Variants in ECE1 observed in about 807,000 individuals in gnomAD.
ECE1 encodes endothelin-converting enzyme 1.
In ECE1, 35 loss-of-function variants were observed where a neutral mutation model predicts 98.6. The observed-to-expected ratio is 0.35, with a 90% confidence interval of 0.27 to 0.47. The LOEUF (loss-of-function observed/expected upper bound fraction) is 0.47. ECE1 is among the 20% of genes least tolerant of loss of function. The pLI is 1.00. For synonymous variants in ECE1, 394 were observed against 407.1 expected (o/e 0.97, Z 0.39); for missense variants, 814 against 1,025.3 (o/e 0.79, Z 2.81).
At chr1:21,227,431 C>T (rs1381993102) in intron 15 of ECE1, among the ~76,000 whole-genome samples, 1 of 152,212 alleles carries the variant, frequency 6.6e-6, no homozygotes, top group East Asian at 1.9e-4. Context: ...GTGTGGTCAG[C>T]TGTGCCTATT....
At chr1:21,311,961 A>G (rs1400221490) in intron 1 of ECE1, among the ~76,000 whole-genome samples, 1 of 151,598 alleles carries the variant, frequency 6.6e-6, no homozygotes, top group African/African-American at 2.4e-5. Flanking sequence ...CATCTCTATT[A>G]GAAATATAAA....
chr1:21,303,728 A>C (rs1340292386), intron 1 of ECE1, among the ~76,000 whole-genome samples: 2 of 152,102 alleles, frequency 1.3e-5, no homozygotes, highest in African/African-American at 4.8e-5. Flanking sequence ...AGCTCGCTGC[A>C]ACCTCCGACT....
intron 2 of ECE1, among the ~76,000 whole-genome samples, chr1:21,282,872 G>C (rs1381696465): frequency 6.6e-6 from 1 of 151,704 alleles, no homozygotes; most frequent in Non-Finnish European, 1.5e-5. Flanking sequence ...ATAAATACTT[G>C]AGTGCTAAGG....
At chr1:21,263,357 A>ATT (rs199626661) in intron 4 of ECE1, among the ~76,000 whole-genome samples, 1 of 113,206 alleles carries the variant, frequency 8.8e-6, no homozygotes, top group African/African-American at 3.4e-5. Context: ...CTTTTTTTAT[A>ATT]TTTATTTTTT....
At chr1:21,254,332 A>C (rs1035343636) in intron 8 of ECE1, among the ~76,000 whole-genome samples, 1 of 152,128 alleles carries the variant, frequency 6.6e-6, no homozygotes, top group Non-Finnish European at 1.5e-5. Flanking sequence ...GCTCATGCTT[A>C]TAATCCCAGC....
In ECE1 at chr1:21,219,956, T is replaced by C. The variant is rs759455523; in HGVS notation, c.2312A>G (p.Ter771=). The C allele has an allele frequency of 6.2e-7, 1 of 1,614,232 alleles. No individual in the cohort carries two copies. The highest frequency in any genetic ancestry group is 8.5e-7 in the Non-Finnish European group (1 of 1,180,034). Residue 771 remains the stop codon, a stop_retained_variant, in exon 19 of 19, where the codon TAA becomes TGA. Coordinates refer to ENST00000374893, the MANE Select transcript of ECE1 (RefSeq NM_001397.3). This position sits in a 1 kb window ranked among gnomAD's most constrained non-coding sequence, Gnocchi z 4.5. ...MNPPHKCEVW[*] ...GTCTTGGCTCTCTCCGCTTCGTCCT[T>C]ACCAGACTTCGCACTTGTGAGGCGG...
intron 9 of ECE1, among the ~76,000 whole-genome samples, chr1:21,246,156 G>A (rs2098203194): frequency 2.0e-5 from 3 of 152,004 alleles, no homozygotes; most frequent in Admixed American, 1.3e-4. Context: ...AGTTAAATAC[G>A]ATAAATTTTT....
At chr1:21,242,869 C>G (rs1261106416) in intron 10 of ECE1, among the ~76,000 whole-genome samples, 1 of 152,244 alleles carries the variant, frequency 6.6e-6, no homozygotes, top group African/African-American at 2.4e-5. Context: ...CAGCCTTAAA[C>G]TCCTGGGCTC....
rs773384564 is a variant in ECE1, at chr1:21,235,839, C to T, written c.1566+11G>A. 6.2e-6 allele frequency: 10 copies of T among 1,614,060 alleles called. No individual in the cohort carries two copies. The Admixed American group carries it at 1.7e-4, about 27-fold the overall frequency. On this transcript the variant is annotated intron_variant, in intron 13 of 18. Coordinates refer to ENST00000374893, the MANE Select transcript of ECE1 (RefSeq NM_001397.3). The surrounding 1 kb of genome is among the most constrained non-coding windows in gnomAD (Gnocchi z 4.2). The stretch of plus-strand genomic sequence containing the variant: ...TTAGGAACGCAAGGGGGCAGGGCAG[C>T]AGCTACTCACGTCATTAAACACTTT...
At chr1:21,221,679 C>T in intron 18 of ECE1, 68 bp downstream of exon 18, 2 of 1,544,562 alleles carry the variant, frequency 1.3e-6, no homozygotes, top group South Asian at 1.1e-5. Context: ...CCTTTCGGCT[C>T]TCTGGGCTCT....
At chr1:21,271,241 C>T (rs1321840758) in intron 4 of ECE1, among the ~76,000 whole-genome samples, 7 of 152,158 alleles carry the variant, frequency 4.6e-5, no homozygotes, top group Admixed American at 2.6e-4. Flanking sequence ...GTGTGTTTTA[C>T]CTAGCGGCGG....
Position 21,260,165 on chromosome 1 carries a change from T to G in ECE1, c.615+106A>C, listed in dbSNP as rs539086916. On this transcript the variant is annotated intron_variant, in intron 5 of 18. Coordinates refer to ENST00000374893, the MANE Select transcript of ECE1 (RefSeq NM_001397.3). This position sits in a 1 kb window ranked among gnomAD's most constrained non-coding sequence, Gnocchi z 4.3. ...CTGTCTTTCTCTTGGTGCTACCGGC[T>G]GGACGTATGAGGTGGGCCAGTGGTA... The G allele has an allele frequency of 6.0e-6, 9 of 1,511,582 alleles. No homozygotes were observed. The South Asian group carries it at 1.0e-4, about 17-fold the overall frequency. The allele number at this position is 1,511,582 out of a possible 1,614,324, so 93.6% of individuals were successfully genotyped here. A position where few individuals can be genotyped will look rare whatever the true frequency, so the allele number is the denominator to read the frequency against.
intron 8 of ECE1, among the ~76,000 whole-genome samples, chr1:21,249,171 T>A (rs1402847549): frequency 1.3e-5 from 2 of 148,968 alleles, no homozygotes; most frequent in African/African-American, 5.0e-5. Flanking sequence ...GGTGAAACCC[T>A]GTCTCTACCA....
At chr1:21,239,752 T>A (rs2098193566) in intron 10 of ECE1, among the ~76,000 whole-genome samples, 1 of 151,944 alleles carries the variant, frequency 6.6e-6, no homozygotes, top group Non-Finnish European at 1.5e-5. Flanking sequence ...ATGTTCTCTA[T>A]CTTTCTAAAA....
In ECE1 at chr1:21,345,374, A is replaced by T; in HGVS notation, c.3+2T>A. Reference sequence around the variant, plus strand: ...GACCAGACCTCCGCGCGCAGCACTCACCATAGCTCGCGTGCTCCGCCCCGG... The same window carrying T: ...GACCAGACCTCCGCGCGCAGCACTCTCCATAGCTCGCGTGCTCCGCCCCGG... On this transcript the variant is annotated splice_donor_variant, in intron 1 of 18. Coordinates refer to the ECE1 transcript ENST00000415912. LOFTEE classifies it high-confidence loss of function. This position sits in a 1 kb window ranked among gnomAD's most constrained non-coding sequence, Gnocchi z 5.1. The T allele has an allele frequency of 7.4e-7, 1 of 1,347,072 alleles. No individual in the cohort carries two copies. Among genetic ancestry groups the T allele is most frequent in the Non-Finnish European group, 9.6e-7 (1 of 1,039,764 alleles). The allele number at this position is 1,347,072 out of a possible 1,614,324, so 83.4% of individuals were successfully genotyped here.
intron 1 of ECE1, among the ~76,000 whole-genome samples, chr1:21,328,036 C>A (rs1048909901): frequency 1.3e-5 from 2 of 152,172 alleles, no homozygotes; most frequent in African/African-American, 4.8e-5. Flanking sequence ...ATAAGGGAAA[C>A]CATTCTTCAC....
upstream of ECE1, among the ~76,000 whole-genome samples, chr1:21,292,973 C>T (rs1323145617): frequency 1.3e-5 from 2 of 152,164 alleles, no homozygotes; most frequent in South Asian, 2.1e-4. Context: ...CACTTGGTTA[C>T]ACTACGTTAC....
chr1:21,283,098 C>T (rs565528320), intron 2 of ECE1, among the ~76,000 whole-genome samples: 2 of 151,876 alleles, frequency 1.3e-5, no homozygotes, highest in South Asian at 4.1e-4. Context: ...CATGCCACCA[C>T]ACCTGGCTAA....
upstream of ECE1, chr1:21,294,476 G>GA (rs1182776245): frequency 6.6e-6 from 1 of 152,572 alleles, no homozygotes; most frequent in African/African-American, 2.4e-5. This position sits in a 1 kb window ranked among gnomAD's most constrained non-coding sequence, Gnocchi z 4.2. Flanking sequence ...TGAAGGGGTG[G>GA]AACCACAGCT....
Sources: allele counts gnomAD v4.1 joint callset (sites outside exome capture counted in the v4.1 genomes callset), GRCh38; gene constraint gnomAD v4.1.1; non-coding constraint Gnocchi (gnomAD v3.1); transcripts MANE v1.5; gene names NCBI Gene and HGNC (gene_info 2026-07-23, HGNC 2026-07-21).